DLGAP2: variants seen among roughly 807,000 people sequenced by gnomAD.
The protein encoded by DLGAP2 is disks large-associated protein 2.
Under a neutral mutation model 100.3 loss-of-function variants are expected in DLGAP2, and 26 were observed. The ratio of observed to expected loss-of-function variants is 0.26; its 90% CI spans 0.19 to 0.36. The LOEUF (loss-of-function observed/expected upper bound fraction) is 0.36, where lower values mean the gene tolerates loss of function less well. DLGAP2 is among the 10% of genes least tolerant of loss of function. The probability of loss-of-function intolerance (pLI) is 1.00; values close to 1 mark genes in which losing one functional copy is unlikely to be tolerated. For missense variants in DLGAP2, 1,858 were observed against 1,453.2 expected, an observed-to-expected ratio of 1.28 and a Z score of -4.53; for synonymous variants, 886 against 630.1, an observed-to-expected ratio of 1.41 and a Z score of -6.08.
At chr8:1,249,996 T>C (rs73531966) in intron 2 of DLGAP2, among the ~76,000 whole-genome samples, 7,061 of 152,240 alleles carry the variant, frequency 0.046, 568 homozygotes, top group African/African-American at 0.16. Context: ...TTGTTCTGCC[T>C]CAGCCTCCCG....
chr8:953,634 G>T (rs936445901), intron 2 of DLGAP2, among the ~76,000 whole-genome samples: 1 of 152,148 alleles, frequency 6.6e-6, no homozygotes, highest in Non-Finnish European at 1.5e-5. Context: ...AAATCCCAAT[G>T]ACTGTGGTTT....
rs112708037 is a variant in DLGAP2, at chr8:1,207,181, A to G, written c.74-51670A>G. ...GTGGTGATTTCTGAGATTTTAGTGC[A>G]CGCAAGCCATGTACACTGTACCCAA... On this transcript the variant is annotated intron_variant, in intron 2 of 14. Transcript: ENST00000637795. 2.1e-3 allele frequency among the ~76,000 whole-genome samples: 315 copies of G among 152,288 alleles called. 2 individuals carry two copies. The highest frequency in any genetic ancestry group is 7.2e-3 in the African/African-American group (301 of 41,572).
At chr8:1,156,442 CG>C (rs1218015565) in intron 2 of DLGAP2, among the ~76,000 whole-genome samples, 9 of 152,198 alleles carry the variant, frequency 5.9e-5, no homozygotes, top group Non-Finnish European at 1.0e-4. Context: ...AGGCCTCACA[CG>C]GTGCCAGGCC....
intron 6 of DLGAP2, among the ~76,000 whole-genome samples, chr8:1,595,619 A>T (rs1258861940): frequency 1.4e-5 from 2 of 140,822 alleles, no homozygotes; most frequent in African/African-American, 5.1e-5. Context: ...GTGAGCCGAG[A>T]TTGCGCCACT....
chr8:1,206,400 G>C (rs879745975), intron 2 of DLGAP2, among the ~76,000 whole-genome samples: 4 of 126,656 alleles, frequency 3.2e-5, no homozygotes, highest in Admixed American at 2.5e-4. Context: ...CCAGCCATCC[G>C]TGGACTGGGG....
At chr8:1,666,062 C>T (rs748944761) in intron 8 of DLGAP2, among the ~76,000 whole-genome samples, 5 of 152,194 alleles carry the variant, frequency 3.3e-5, no homozygotes, top group Non-Finnish European at 7.3e-5. Context: ...GTCCCCAACG[C>T]GTCCCACCCG....
intron 4 of DLGAP2, among the ~76,000 whole-genome samples, chr8:1,506,910 G>A (rs1799940115): frequency 6.6e-6 from 1 of 152,142 alleles, no homozygotes; most frequent in African/African-American, 2.4e-5. Flanking sequence ...AGTGCTGATT[G>A]GTGCATTTAC....
chr8:1,090,981 A>G (rs1804161402), intron 2 of DLGAP2, among the ~76,000 whole-genome samples: 1 of 152,168 alleles, frequency 6.6e-6, no homozygotes, highest in Admixed American at 6.5e-5. Flanking sequence ...ATTCTTTGGA[A>G]TTCTAACCTC....
chr8:1,695,076 G>T (rs774329170), intron 13 of DLGAP2, among the ~76,000 whole-genome samples: 2 of 152,224 alleles, frequency 1.3e-5, no homozygotes, highest in African/African-American at 2.4e-5. Context: ...CTGCTCTCAG[G>T]CAGCCTCTGC....
intron 1 of DLGAP2, among the ~76,000 whole-genome samples, chr8:793,643 A>G (rs1283531484): frequency 6.6e-6 from 1 of 152,124 alleles, no homozygotes. Flanking sequence ...ACATCTCTGG[A>G]CATGTGAATT....
intron 2 of DLGAP2, chr8:1,003,289 A>G (rs3935968): frequency 0.4 from 60,603 of 152,098 alleles, 13,315 homozygotes; most frequent in Admixed American, 0.54. Flanking sequence ...ATCCCCCGCT[A>G]TGGCCTCACT....
intron 3 of DLGAP2, among the ~76,000 whole-genome samples, chr8:1,480,337 G>C (rs566562976): frequency 2.6e-5 from 4 of 152,248 alleles, no homozygotes; most frequent in East Asian, 3.9e-4. Flanking sequence ...GATGGGTGAT[G>C]GGGGCATCTC....
intron 2 of DLGAP2, among the ~76,000 whole-genome samples, chr8:1,236,380 C>G (rs1400542752): frequency 7.6e-5 from 4 of 52,930 alleles, no homozygotes; most frequent in East Asian, 1.3e-3. Flanking sequence ...GTCTAGTTAC[C>G]TATCACATGG....
intron 2 of DLGAP2, among the ~76,000 whole-genome samples, chr8:924,856 G>T (rs1350842767): frequency 6.6e-6 from 1 of 152,136 alleles, no homozygotes; most frequent in Non-Finnish European, 1.5e-5. Flanking sequence ...AAAGTGCTGG[G>T]ATTGCCAGCA....
intron 2 of DLGAP2, among the ~76,000 whole-genome samples, chr8:955,556 C>T (rs988851854): frequency 2.6e-5 from 4 of 152,168 alleles, no homozygotes; most frequent in African/African-American, 9.7e-5. Context: ...GCTTGTCTGC[C>T]TTAACAGGGT....
chr8:1,058,012 A>C (rs1802934077), intron 2 of DLGAP2, among the ~76,000 whole-genome samples: 1 of 152,352 alleles, frequency 6.6e-6, no homozygotes, highest in Non-Finnish European at 1.5e-5. Context: ...ATGGGAAAAC[A>C]TTCTATCAAT....
intron 4 of DLGAP2, among the ~76,000 whole-genome samples, chr8:1,526,476 G>A (rs894666312): frequency 1.3e-5 from 2 of 152,046 alleles, no homozygotes. Context: ...CCATAATCAT[G>A]GGCAGTGCTG....
At chr8:1,237,083 G>A (rs1477060863) in intron 2 of DLGAP2, among the ~76,000 whole-genome samples, 21 of 133,558 alleles carry the variant, frequency 1.6e-4, no homozygotes, top group South Asian at 5.0e-4. Context: ...ACATGGCGCC[G>A]TGTCTAGTTC....
intron 6 of DLGAP2, among the ~76,000 whole-genome samples, chr8:1,577,915 G>C (rs116483309): frequency 6.6e-6 from 1 of 152,232 alleles, no homozygotes; most frequent in Non-Finnish European, 1.5e-5. Context: ...GCACCAGCGC[G>C]AGTGCTCATA....
Sources: gnomAD v4.1 joint callset for allele counts (sites outside exome capture counted in the v4.1 genomes callset) on GRCh38, gnomAD v4.1.1 for gene constraint, MANE v1.5 for transcripts, NCBI Gene and HGNC (gene_info 2026-07-23, HGNC 2026-07-21) for gene names.